Variants in RETREG3 observed in about 807,000 individuals in gnomAD.
RETREG3 encodes reticulophagy regulator 3.
Under a neutral mutation model 50.2 loss-of-function variants are expected in RETREG3, and 23 were observed. The observed-to-expected ratio is 0.46, with a 90% CI of 0.33 to 0.65. The LOEUF (loss-of-function observed/expected upper bound fraction) is 0.65. RETREG3 is among the 30% of genes least tolerant of loss of function. RETREG3 has a pLI of 0.02. For synonymous variants in RETREG3, 240 were observed against 234.4 expected, an observed-to-expected ratio of 1.02 and a Z score of -0.22; for missense variants, 546 against 598.0, an observed-to-expected ratio of 0.91 and a Z score of 0.91.
intron 1 of RETREG3, among the ~76,000 whole-genome samples, chr17:42,606,470 G>A (rs1264552581): frequency 6.6e-6 from 1 of 151,906 alleles, no homozygotes; most frequent in African/African-American, 2.4e-5. Flanking sequence ...GCGTGGTGGC[G>A]CGTGCCTGCA....
chr17:42,581,790 G>T lies in RETREG3; in HGVS notation c.*23C>A. The T allele has an allele frequency of 6.5e-7, 1 of 1,532,786 alleles. No individual in the cohort carries two copies. The highest frequency in any genetic ancestry group is 8.8e-7 in the Non-Finnish European group (1 of 1,140,724). The allele number at this position is 1,532,786 out of a possible 1,614,324, so 94.9% of individuals were successfully genotyped here. On this transcript the variant is annotated 3_prime_UTR_variant, in exon 9 of 9. Coordinates refer to ENST00000309428, the MANE Select transcript of RETREG3 (RefSeq NM_178126.4). ...GGGAGAAAAAAACCTAAACCACAGT[G>T]ACTCCCAAAAGGAGTCTCTGCCTCA...
chr17:42,585,045 C>T, intron 6 of RETREG3, 80 bp downstream of exon 6: 1 of 1,552,726 alleles, frequency 6.4e-7, no homozygotes, highest in East Asian at 2.3e-5. Flanking sequence ...TTTGAGGACC[C>T]ACCCAGTATG....
At chr17:42,587,693 T>A in intron 3 of RETREG3, 141 bp downstream of exon 3, 1 of 932,678 alleles carries the variant, frequency 1.1e-6, no homozygotes, top group African/African-American at 1.7e-5. Context: ...AACTTTAGGA[T>A]GTGTTAAAAT....
chr17:42,590,626 T>G (rs1452383983), intron 2 of RETREG3, among the ~76,000 whole-genome samples: 1 of 151,118 alleles, frequency 6.6e-6, no homozygotes, highest in African/African-American at 2.4e-5. Flanking sequence ...GAGCCATGAT[T>G]GCGCCACTGC....
Position 42,582,820 on chromosome 17 carries a change from C to T in RETREG3, c.811-14G>A, listed in dbSNP as rs768057248. On this transcript the variant is annotated splice_polypyrimidine_tract_variant and intron_variant, in intron 7 of 8. Coordinates refer to ENST00000309428, the MANE Select transcript of RETREG3 (RefSeq NM_178126.4). ...AGAATCGTCCAGCTTAGGAAAAGACCAACAAATGTGAGATAATGCCATCAG... is the reference window on the plus strand; with the variant it reads ...AGAATCGTCCAGCTTAGGAAAAGACTAACAAATGTGAGATAATGCCATCAG... 6.2e-7 allele frequency: 1 copy of T among 1,614,092 alleles called. No homozygotes were observed. Among genetic ancestry groups the T allele is most frequent in the Non-Finnish European group, 8.5e-7 (1 of 1,179,976 alleles).
chr17:42,609,384 T>C, upstream of RETREG3: 1 of 1,506,298 alleles, frequency 6.6e-7, no homozygotes, highest in Non-Finnish European at 8.9e-7. Flanking sequence ...TAACAGCAAC[T>C]GCGCAGATGC....
chr17:42,597,497 T>TTGTGTG lies in RETREG3; in HGVS notation c.240-5341_240-5336dup, dbSNP rs71157646. ...CCACCGCGCCCAGCCAGAATCTATT[T>TTGTGTG]TGTGTGTGTGTGTGTGTGTGTGTGT... On this transcript the variant is annotated intron_variant, in intron 1 of 8. Transcript: ENST00000309428. Among the ~76,000 whole-genome samples, 4 of 116,778 alleles carry TTGTGTG rather than the reference T, an allele frequency of 3.4e-5. No individual in the cohort carries two copies. The East Asian group carries it at 7.3e-4, about 21-fold the overall frequency. The allele number at this position is 116,778 out of a possible 152,430, so 76.6% of individuals were successfully genotyped here. A position where few individuals can be genotyped will look rare whatever the true frequency, so the allele number is the denominator to read the frequency against.
At chr17:42,598,867 G>C (rs1381529023) in intron 1 of RETREG3, 1 of 152,060 alleles carries the variant, frequency 6.6e-6, no homozygotes, top group African/African-American at 2.4e-5. Flanking sequence ...AAGAATGGAA[G>C]GTAAGGGCTG....
intron 2 of RETREG3, among the ~76,000 whole-genome samples, chr17:42,590,211 A>AT (rs1176878264): frequency 6.6e-6 from 1 of 151,902 alleles, no homozygotes; most frequent in Non-Finnish European, 1.5e-5. Context: ...CTCAAAAAAA[A>AT]TTTTTTTTAC....
intron 1 of RETREG3, among the ~76,000 whole-genome samples, chr17:42,604,715 A>C (rs1567927630): frequency 6.6e-6 from 1 of 151,808 alleles, no homozygotes; most frequent in East Asian, 1.9e-4. Context: ...AAAAAAAAAA[A>C]AAACTGAAAG....
At chr17:42,586,730 G>A (rs766504751) in intron 4 of RETREG3, 35 bp downstream of exon 4, 2 of 1,608,516 alleles carry the variant, frequency 1.2e-6, no homozygotes, top group South Asian at 2.2e-5. Context: ...GAACTGAGAG[G>A]CCAGAGATGA....
intron 1 of RETREG3, among the ~76,000 whole-genome samples, chr17:42,601,576 AAAAAAAAAAAG>A (rs1447797392): frequency 6.8e-6 from 1 of 147,430 alleles, no homozygotes; most frequent in African/African-American, 2.5e-5. Context: ...GACTCTCTCA[AAAAAAAAAAAG>A]AAAAGAAAAA....
chr17:42,601,938 A>T (rs372379601), intron 1 of RETREG3, among the ~76,000 whole-genome samples: 1 of 152,072 alleles, frequency 6.6e-6, no homozygotes, highest in Non-Finnish European at 1.5e-5. Flanking sequence ...CCCAGCCAAA[A>T]GTTTCCAATT....
intron 2 of RETREG3, among the ~76,000 whole-genome samples, chr17:42,590,694 C>T (rs1021637096): frequency 1.3e-5 from 2 of 151,904 alleles, no homozygotes; most frequent in Admixed American, 6.6e-5. Flanking sequence ...GCGCCAGGTG[C>T]GGTGCCTCAC....
chr17:42,587,697 T>C (rs957623804), intron 3 of RETREG3, 137 bp downstream of exon 3: 84 of 1,028,238 alleles, frequency 8.2e-5, no homozygotes, highest in Non-Finnish European at 1.2e-4. Flanking sequence ...TTAGGATGTG[T>C]TAAAATGATC....
At chr17:42,599,556 A>C (rs561429606) in intron 1 of RETREG3, among the ~76,000 whole-genome samples, 5 of 151,322 alleles carry the variant, frequency 3.3e-5, no homozygotes, top group Non-Finnish European at 5.9e-5. Context: ...CAGGAGGCTG[A>C]GGCAGGACAA....
intron 1 of RETREG3, among the ~76,000 whole-genome samples, chr17:42,593,615 T>C (rs1181003740): frequency 3.8e-5 from 5 of 131,608 alleles, no homozygotes; most frequent in South Asian, 2.4e-4. Context: ...GCCACTGCAC[T>C]CCAGCCTGGG....
chr17:42,584,996 A>C lies in RETREG3; in HGVS notation c.727+129T>G. The C allele has an allele frequency of 1.1e-5, 12 of 1,121,410 alleles. No individual in the cohort carries two copies. The South Asian group carries it at 1.2e-4, about 11-fold the overall frequency. The allele number at this position is 1,121,410 out of a possible 1,614,324, so 69.5% of individuals were successfully genotyped here. Reference sequence around the variant, plus strand: ...CTAGAACAGAATATCATTTTTACCTATCAATCCTCACCCCCACCAACTACC... The same window carrying C: ...CTAGAACAGAATATCATTTTTACCTCTCAATCCTCACCCCCACCAACTACC... On this transcript the variant is annotated intron_variant, in intron 6 of 8. Transcript: ENST00000309428.
intron 3 of RETREG3, 173 bp from the exon 4 acceptor site, chr17:42,587,064 T>C: frequency 1.1e-6 from 1 of 874,188 alleles, no homozygotes; most frequent in Non-Finnish European, 1.7e-6. Flanking sequence ...GAAATCTGAA[T>C]TTAGGTACAA....
Sources: allele counts gnomAD v4.1 joint callset (sites outside exome capture counted in the v4.1 genomes callset), GRCh38; gene constraint gnomAD v4.1.1; transcripts MANE v1.5; gene names NCBI Gene and HGNC (gene_info 2026-07-23, HGNC 2026-07-21).